The following KCNB2 variants were observed in gnomAD, a reference collection of about 807,000 sequenced individuals.
KCNB2 encodes delayed rectifier potassium channel protein.
A neutral mutation model predicts 61.5 loss-of-function variants in KCNB2; 15 were observed. The ratio of observed to expected loss-of-function variants is 0.24; its 90% CI spans 0.16 to 0.38. The LOEUF (loss-of-function observed/expected upper bound fraction) is 0.38. KCNB2 is among the 10% of genes least tolerant of loss of function. The pLI is 1.00. For synonymous variants in KCNB2, 457 were observed against 446.0 expected, an observed-to-expected ratio of 1.02 and a Z score of -0.31; for missense variants, 828 against 1,125.2, an observed-to-expected ratio of 0.74 and a Z score of 3.78.
intron 2 of KCNB2, among the ~76,000 whole-genome samples, chr8:72,886,840 C>G (rs1031964307): frequency 6.6e-6 from 1 of 152,234 alleles, no homozygotes; most frequent in African/African-American, 2.4e-5. Context: ...CAATAGCTAT[C>G]CAGTGGCACT....
chr8:72,691,435 G>A (rs1201846930), intron 2 of KCNB2, among the ~76,000 whole-genome samples: 2 of 152,224 alleles, frequency 1.3e-5, no homozygotes, highest in Non-Finnish European at 2.9e-5. Context: ...TTTAGACACT[G>A]AAATCTCAGA....
At chr8:72,565,645 T>TACAC (rs137899039) in intron 1 of KCNB2, among the ~76,000 whole-genome samples, 9,535 of 149,914 alleles carry the variant, frequency 0.064, 926 homozygotes, top group African/African-American at 0.21. Context: ...TGAAGCAGAA[T>TACAC]ACACACACAC....
Position 72,567,869 on chromosome 8 carries a change from C to G in KCNB2, c.135C>G (p.Asn45Lys), listed in dbSNP as rs940120138. Residue 45 changes from asparagine to lysine, a missense_variant, in exon 2 of 3, where the codon AAC becomes AAG. Asn to Lys is a moderately conservative substitution (Grantham distance 94). This residue lies in a region of KCNB2 where 62 missense variants were observed against 54.8 expected (regional missense o/e 1.13). Transcript: ENST00000523207. ...RRVKINVGGL[N>K]HEVLWRTLDR... ...TTAAGATCAATGTGGGGGGCCTCAA[C>G]CACGAAGTCCTGTGGAGAACGCTGG... 5 of 1,614,090 alleles carry G rather than the reference C, an allele frequency of 3.1e-6. No homozygotes were observed. Among genetic ancestry groups the G allele is most frequent in the Middle Eastern group, 1.7e-4 (1 of 6,056 alleles).
At chr8:72,656,698 AG>A (rs1554582153) in intron 2 of KCNB2, among the ~76,000 whole-genome samples, 1 of 152,194 alleles carries the variant, frequency 6.6e-6, no homozygotes, top group Non-Finnish European at 1.5e-5. Context: ...TTATATTCAT[AG>A]GAAGTTTCAT....
chr8:72,553,648 G>A (rs1220764620), intron 1 of KCNB2, among the ~76,000 whole-genome samples: 2 of 152,020 alleles, frequency 1.3e-5, no homozygotes, highest in Non-Finnish European at 2.9e-5. Context: ...TATGGAAAGA[G>A]TGCACATAGA....
intron 2 of KCNB2, among the ~76,000 whole-genome samples, chr8:72,679,924 C>T (rs1273873224): frequency 1.3e-5 from 2 of 152,192 alleles, no homozygotes; most frequent in African/African-American, 2.4e-5. Flanking sequence ...TGATCCAATC[C>T]TCATCTCTAA....
chr8:72,669,854 C>G (rs1367084026), intron 2 of KCNB2, among the ~76,000 whole-genome samples: 2 of 152,178 alleles, frequency 1.3e-5, no homozygotes, highest in East Asian at 3.8e-4. Context: ...TTCCAGCCCT[C>G]ATATATTTTA....
In KCNB2 at chr8:72,933,587, A is replaced by G. The variant is rs1023808000; in HGVS notation, c.580-2348A>G. Among the ~76,000 whole-genome samples the G allele has an allele frequency of 1.3e-3, 191 of 152,212 alleles. 1 individual carries two copies. Among genetic ancestry groups the G allele is most frequent in the Non-Finnish European group, 2.1e-4 (14 of 68,050 alleles). On this transcript the variant is annotated intron_variant, in intron 2 of 2. Coordinates refer to ENST00000523207, the MANE Select transcript of KCNB2 (RefSeq NM_004770.3). ...TAGCAACAGCGTGACCTCCCGAAAA[A>G]ATATCTTGGTTCCTTATGATAAGAG...
At chr8:72,932,227 G>C (rs12679407) in intron 2 of KCNB2, among the ~76,000 whole-genome samples, 20,448 of 152,140 alleles carry the variant, frequency 0.13, 3,277 homozygotes, top group East Asian at 0.79. Flanking sequence ...TATCCCCAGA[G>C]CAACTCAAAA....
chr8:72,667,567 C>A (rs536128284), intron 2 of KCNB2, among the ~76,000 whole-genome samples: 1 of 152,106 alleles, frequency 6.6e-6, no homozygotes, highest in Non-Finnish European at 1.5e-5. Context: ...TGTGATTCAT[C>A]TTTTCCCTCC....
chr8:72,909,169 G>A (rs1188411003), intron 2 of KCNB2, among the ~76,000 whole-genome samples: 1 of 152,152 alleles, frequency 6.6e-6, no homozygotes, highest in Admixed American at 6.5e-5. Context: ...ACTCCATGTG[G>A]TAAGTGTTCT....
chr8:72,894,660 A>G (rs1046150059), intron 2 of KCNB2, among the ~76,000 whole-genome samples: 1 of 152,142 alleles, frequency 6.6e-6, no homozygotes, highest in Non-Finnish European at 1.5e-5. Context: ...CAGGGCAGCA[A>G]CATCCTTCCC....
chr8:72,793,851 A>G (rs879377251), intron 2 of KCNB2, among the ~76,000 whole-genome samples: 3 of 152,206 alleles, frequency 2.0e-5, no homozygotes, highest in Non-Finnish European at 4.4e-5. Context: ...AGGAAATCCA[A>G]TTACAGTTGC....
intron 2 of KCNB2, among the ~76,000 whole-genome samples, chr8:72,825,865 A>G (rs956936168): frequency 2.0e-5 from 3 of 152,130 alleles, no homozygotes; most frequent in Non-Finnish European, 2.9e-5. Flanking sequence ...CACTCTTTTG[A>G]TAGTGTCCTT....
chr8:72,633,186 A>C (rs766472390), intron 2 of KCNB2, among the ~76,000 whole-genome samples: 1 of 152,096 alleles, frequency 6.6e-6, no homozygotes. Flanking sequence ...AATCTGAAGG[A>C]GGGCGGTGGT....
intron 2 of KCNB2, among the ~76,000 whole-genome samples, chr8:72,685,903 C>T (rs1318466355): frequency 3.3e-5 from 5 of 152,140 alleles, no homozygotes; most frequent in Admixed American, 1.3e-4. Flanking sequence ...GCAGAAGAAC[C>T]GCTTGAACCC....
chr8:72,750,698 C>G (rs895388230), intron 2 of KCNB2: 1 of 152,172 alleles, frequency 6.6e-6, no homozygotes, highest in African/African-American at 2.4e-5. Flanking sequence ...TCCAACCAAG[C>G]ACCAGGTGCT....
intron 2 of KCNB2, among the ~76,000 whole-genome samples, chr8:72,599,135 C>A (rs1458183654): frequency 1.3e-5 from 2 of 151,930 alleles, no homozygotes; most frequent in Non-Finnish European, 2.9e-5. Flanking sequence ...GAGCCCGCAT[C>A]GCCAAGTCAA....
At chr8:72,628,656 A>T (rs957342204) in intron 2 of KCNB2, among the ~76,000 whole-genome samples, 1 of 152,176 alleles carries the variant, frequency 6.6e-6, no homozygotes, top group Non-Finnish European at 1.5e-5. Context: ...GCTGATAAAC[A>T]TGTGTTGCCC....
Sources: gnomAD v4.1 joint callset for allele counts (sites outside exome capture counted in the v4.1 genomes callset) on GRCh38, gnomAD v4.1.1 for gene constraint, gnomAD v4.1.1 regional missense constraint, MANE v1.5 for transcripts, NCBI Gene and HGNC (gene_info 2026-07-23, HGNC 2026-07-21) for gene names.